The following ARHGAP27 variants were observed in gnomAD, a reference collection of about 807,000 sequenced individuals.
ARHGAP27 encodes Rho GTPase activating protein 27.
A neutral mutation model predicts 102.0 loss-of-function variants in ARHGAP27; 53 were observed. The ratio of observed to expected loss-of-function variants is 0.52; its 90% CI spans 0.42 to 0.65. The LOEUF (loss-of-function observed/expected upper bound fraction) is 0.65, where lower values mean the gene tolerates loss of function less well. ARHGAP27 is among the 30% of genes least tolerant of loss of function. The pLI is 0.00. For missense variants in ARHGAP27, 1,117 were observed against 1,256.2 expected (o/e 0.89, Z 1.68); for synonymous variants, 525 against 542.8 (o/e 0.97, Z 0.46).
intron 4 of ARHGAP27, among the ~76,000 whole-genome samples, chr17:45,413,319 T>G (rs766828843): frequency 1.3e-4 from 20 of 152,130 alleles, no homozygotes; most frequent in Non-Finnish European, 2.5e-4. Flanking sequence ...AGATTCCAAA[T>G]GTAACGGTTT....
chr17:45,406,308 G>A (rs549894678), intron 4 of ARHGAP27, among the ~76,000 whole-genome samples: 32 of 152,282 alleles, frequency 2.1e-4, no homozygotes, highest in Admixed American at 3.9e-4. Flanking sequence ...CTTGAAAGGG[G>A]AAGTGCCTGT....
chr17:45,403,992 C>T, intron 10 of ARHGAP27, 37 bp downstream of exon 10: 1 of 1,610,638 alleles, frequency 6.2e-7, no homozygotes, highest in Non-Finnish European at 8.5e-7. Flanking sequence ...TCACCAAGGC[C>T]CACCCTGCCC....
At chr17:45,418,905 C>T (rs1453014974) in intron 4 of ARHGAP27, among the ~76,000 whole-genome samples, 1 of 152,210 alleles carries the variant, frequency 6.6e-6, no homozygotes, top group Non-Finnish European at 1.5e-5. Flanking sequence ...AGGGAGAATT[C>T]CTGCTGGTGT....
intron 6 of ARHGAP27, 62 bp from the exon 7 acceptor site, chr17:45,404,743 C>T (rs1195488478): frequency 1.3e-6 from 2 of 1,557,416 alleles, no homozygotes; most frequent in South Asian, 1.1e-5. Context: ...GAAAAGTTTC[C>T]CTCTAACCAG....
At chr17:45,407,045 G>A (rs1284336229) in intron 4 of ARHGAP27, among the ~76,000 whole-genome samples, 1 of 152,114 alleles carries the variant, frequency 6.6e-6, no homozygotes, top group Non-Finnish European at 1.5e-5. Context: ...TAAGCCTCCC[G>A]GAACAGAGGC....
chr17:45,404,010 A>C lies in ARHGAP27; in HGVS notation c.1547+19T>G, dbSNP rs748281759. ...CCAAGGCCCACCCTGCCCCGGCCTG[A>C]GTGTAGATGGGCTCTCACCGGAGCC... On this transcript the variant is annotated intron_variant, in intron 10 of 19. Coordinates refer to ENST00000685559, the MANE Select transcript of ARHGAP27 (RefSeq NM_001282290.2). 1 of 1,613,500 alleles carries C rather than the reference A, an allele frequency of 6.2e-7. No homozygotes were observed. The highest frequency in any genetic ancestry group is 2.2e-5 in the East Asian group (1 of 44,870).
chr17:45,395,178 C>G lies in ARHGAP27; in HGVS notation c.*278G>C. ...CCCCACACACGCTATCGCACACGCA[C>G]AGTAGGCGCGATGCAACAGAGAAAA... On this transcript the variant is annotated 3_prime_UTR_variant, in exon 20 of 20. Transcript: ENST00000685559. The G allele has an allele frequency of 1.9e-6, 1 of 534,290 alleles. No individual in the cohort carries two copies. Among genetic ancestry groups the G allele is most frequent in the Non-Finnish European group, 3.3e-6 (1 of 300,608 alleles). The allele number at this position is 534,290 out of a possible 1,614,324, so 33.1% of individuals were successfully genotyped here.
chr17:45,402,805 T>C lies in ARHGAP27; in HGVS notation c.1652A>G (p.Lys551Arg), dbSNP rs1247969044. Residue 551 changes from lysine to arginine, a missense_variant, in exon 12 of 20, where the codon AAG (lysine) becomes AGG (arginine). Physicochemically the swap from Lys to Arg is conservative, Grantham distance 26. Transcript: ENST00000685559. Reference protein sequence around the residue: ...SAAGGLRQPSKFSTPEYTVEL... With the variant: ...SAAGGLRQPSRFSTPEYTVEL... ...CACTGTGTACTCAGGGGTGGAAAAC[T>C]TGGAAGGCTGCCTCTGTGGGAGAGG... The C allele has an allele frequency of 6.2e-7, 1 of 1,613,198 alleles. No homozygotes were observed. Among genetic ancestry groups the C allele is most frequent in the South Asian group, 1.1e-5 (1 of 91,022 alleles).
At chr17:45,401,571 T>C (rs1275411897) in intron 12 of ARHGAP27, 3 of 152,224 alleles carry the variant, frequency 2.0e-5, no homozygotes, top group Admixed American at 6.5e-5. Flanking sequence ...TTCATCATAA[T>C]GATGCTACCT....
chr17:45,396,325 G>T (rs1349973490), intron 16 of ARHGAP27, 41 bp from the exon 17 acceptor site: 1 of 1,570,194 alleles, frequency 6.4e-7, no homozygotes. Flanking sequence ...TCAGGGATGG[G>T]GATAGGGTGG....
chr17:45,426,973 G>T (rs2049675618), intron 4 of ARHGAP27, among the ~76,000 whole-genome samples: 1 of 151,896 alleles, frequency 6.6e-6, no homozygotes, highest in African/African-American at 2.4e-5. Context: ...CTTCCCTTTG[G>T]CACCTAAATC....
chr17:45,411,797 A>T (rs1167452895), intron 4 of ARHGAP27, among the ~76,000 whole-genome samples: 1 of 148,728 alleles, frequency 6.7e-6, no homozygotes, highest in African/African-American at 2.5e-5. Context: ...ATGAGGACTC[A>T]CACACACACA....
At chr17:45,431,577 A>T (rs2050059813) in intron 3 of ARHGAP27, 44 bp downstream of exon 3, 1 of 172,700 alleles carries the variant, frequency 5.8e-6, no homozygotes, top group Non-Finnish European at 1.2e-5. Context: ...CAAGCAGGAC[A>T]CTCCCCCGGC....
rs752197397 is a variant in ARHGAP27, at chr17:45,396,648, C to A, written c.2074+20G>T. 4 of 1,612,912 alleles carry A rather than the reference C, an allele frequency of 2.5e-6. No individual in the cohort carries two copies. The highest frequency in any genetic ancestry group is 3.4e-6 in the Non-Finnish European group (4 of 1,179,304). ...CCCCGTCCCGGTCCCGGGTCCCCGC[C>A]CCCCGCAGGCCTCGGGTACCTTTGA... On this transcript the variant is annotated intron_variant, in intron 15 of 19. Coordinates refer to ENST00000685559, the MANE Select transcript of ARHGAP27 (RefSeq NM_001282290.2).
chr17:45,419,844 G>A (rs12952764), intron 4 of ARHGAP27, among the ~76,000 whole-genome samples: 21,161 of 151,802 alleles, frequency 0.14, 1,760 homozygotes, highest in Middle Eastern at 0.23. Context: ...AAAAAAGGGG[G>A]GGAACAAACA....
chr17:45,403,994 A>G (rs2144465247), intron 10 of ARHGAP27, 35 bp downstream of exon 10: 2 of 1,611,270 alleles, frequency 1.2e-6, no homozygotes, highest in South Asian at 2.2e-5. Flanking sequence ...ACCAAGGCCC[A>G]CCCTGCCCCG....
rs532350970 is a variant in ARHGAP27 at position 45,427,421 on chromosome 17, G to T, written c.657+2202C>A. On this transcript the variant is annotated intron_variant, in intron 4 of 19. Transcript: ENST00000685559. This position sits in a 1 kb window ranked among gnomAD's most constrained non-coding sequence, Gnocchi z 4.5. ...GTGAGTCCCCCAGGATCGTGGCTGT[G>T]CCTCAGTCCTCTCCAGATCCGAAGG... 6.6e-6 allele frequency among the ~76,000 whole-genome samples: 1 copy of T among 152,366 alleles called. No homozygotes were observed. Among genetic ancestry groups the T allele is most frequent in the African/African-American group, 2.4e-5 (1 of 41,600 alleles).
chr17:45,395,319 G>A lies in ARHGAP27; in HGVS notation c.*137C>T, dbSNP rs1470031003. 10 of 1,143,002 alleles carry A rather than the reference G, an allele frequency of 8.7e-6. No homozygotes were observed. The highest frequency in any genetic ancestry group is 1.1e-5 in the Non-Finnish European group (9 of 830,566). The allele number at this position is 1,143,002 out of a possible 1,614,324, so 70.8% of individuals were successfully genotyped here. On this transcript the variant is annotated 3_prime_UTR_variant, in exon 20 of 20. Coordinates refer to ENST00000685559, the MANE Select transcript of ARHGAP27 (RefSeq NM_001282290.2). ...TAGGGGTCACCGTACCCTCAGAACC[G>A]AGGGTGCAGAAGTCACACCGGCCTG...
chr17:45,395,791 G>C lies in ARHGAP27; in HGVS notation c.2445C>G (p.Pro815=), dbSNP rs1408052255. The change falls in exon 19 of 20, where the codon CCC becomes CCG. Residue 815 remains proline (P), a synonymous_variant. Transcript: ENST00000685559. Reference sequence around the variant, plus strand: ...TCCGCAGAGTGTCGTGGTTGGGAGCGGGCAGCGAGCGCACCAAGTCACGCA... The same window carrying C: ...TCCGCAGAGTGTCGTGGTTGGGAGCCGGCAGCGAGCGCACCAAGTCACGCA... ...RCVRDLVRSL[P]APNHDTLRML... is the part of the protein sequence containing the mutation. 1 of 1,605,586 alleles carries C rather than the reference G, an allele frequency of 6.2e-7. No homozygotes were observed. Among genetic ancestry groups the C allele is most frequent in the African/African-American group, 1.3e-5 (1 of 74,808 alleles).
Sources: gnomAD v4.1 joint callset for allele counts (sites outside exome capture counted in the v4.1 genomes callset) on GRCh38, gnomAD v4.1.1 for gene constraint, Gnocchi (gnomAD v3.1) non-coding constraint, MANE v1.5 for transcripts, NCBI Gene and HGNC (gene_info 2026-07-23, HGNC 2026-07-21) for gene names.